TMEM50A: variants seen among roughly 807,000 people sequenced by gnomAD.
TMEM50A encodes transmembrane protein 50A.
A neutral mutation model predicts 23.9 loss-of-function variants in TMEM50A; 8 were observed. The ratio of observed to expected loss-of-function variants is 0.33; its 90% CI spans 0.20 to 0.60. The LOEUF (loss-of-function observed/expected upper bound fraction) is 0.60, where lower values mean the gene tolerates loss of function less well. Among genes scored for constraint, TMEM50A ranks in the 20% least tolerant of loss-of-function variants. The pLI, the probability that TMEM50A is intolerant of heterozygous loss-of-function variation, is 0.81. For missense variants in TMEM50A, 178 were observed against 192.7 expected, an observed-to-expected ratio of 0.92 and a Z score of 0.45; for synonymous variants, 55 against 60.4, an observed-to-expected ratio of 0.91 and a Z score of 0.41.
chr1:25,358,827 C>G (rs893700264), intron 6 of TMEM50A, among the ~76,000 whole-genome samples: 4 of 152,232 alleles, frequency 2.6e-5, no homozygotes, highest in African/African-American at 7.2e-5. Flanking sequence ...CTCTAATAAC[C>G]AACTTCAGTT....
chr1:25,341,092 G>A (rs3093573), intron 2 of TMEM50A, among the ~76,000 whole-genome samples: 12,007 of 152,088 alleles, frequency 0.079, 1,508 homozygotes, highest in African/African-American at 0.27. Context: ...TACATTGTGT[G>A]GAAGTAATTT....
chr1:25,339,578 A>G (rs1177294242), intron 1 of TMEM50A, among the ~76,000 whole-genome samples: 2 of 152,248 alleles, frequency 1.3e-5, no homozygotes, highest in African/African-American at 4.8e-5. Flanking sequence ...AGGTGTGAAG[A>G]AACACACGTT....
chr1:25,346,486 C>G (rs1645219138), intron 3 of TMEM50A, among the ~76,000 whole-genome samples: 1 of 152,152 alleles, frequency 6.6e-6, no homozygotes, highest in Non-Finnish European at 1.5e-5. Context: ...GTCTCAAAAT[C>G]CTGGGCTTAA....
chr1:25,342,566 A>C (rs3091243), intron 2 of TMEM50A: 16,464 of 153,824 alleles, frequency 0.11, 1,118 homozygotes, highest in Non-Finnish European at 0.14. Context: ...ATTAATTTGA[A>C]TGCTTTTTTC....
intron 5 of TMEM50A, among the ~76,000 whole-genome samples, chr1:25,353,737 G>A (rs1235740281): frequency 6.6e-6 from 1 of 152,068 alleles, no homozygotes; most frequent in Non-Finnish European, 1.5e-5. Context: ...TCACCTTGAG[G>A]GACCCTAGAA....
At chr1:25,345,565 G>A (rs1645205947) in intron 3 of TMEM50A, among the ~76,000 whole-genome samples, 1 of 151,702 alleles carries the variant, frequency 6.6e-6, no homozygotes, top group African/African-American at 2.4e-5. Flanking sequence ...GGGCGACAGA[G>A]TGAGACTCTG....
intron 1 of TMEM50A, among the ~76,000 whole-genome samples, chr1:25,339,806 A>G (rs1323574307): frequency 1.3e-5 from 2 of 152,252 alleles, no homozygotes; most frequent in Admixed American, 1.3e-4. Context: ...AACTAATTTA[A>G]TACCTACTTA....
rs547466662 is a variant in TMEM50A, at chr1:25,348,026, C to G, written c.207-3600C>G. Among the ~76,000 whole-genome samples the G allele has an allele frequency of 3.9e-5, 6 of 152,314 alleles. No homozygotes were observed. The South Asian group carries it at 1.0e-3, about 26-fold the overall frequency. On this transcript the variant is annotated intron_variant, in intron 3 of 6. Transcript: ENST00000374358. ...GTTCCATTTTGAAGCAGTAGCAAGT[C>G]TGACTATGGAGGGGAATTATAGCTG...
intron 5 of TMEM50A, among the ~76,000 whole-genome samples, chr1:25,355,867 T>C (rs996939913): frequency 6.6e-6 from 1 of 152,242 alleles, no homozygotes; most frequent in African/African-American, 2.4e-5. Flanking sequence ...CTACTCTATC[T>C]TTCCAGGTGT....
chr1:25,340,928 C>T (rs1488937809), intron 2 of TMEM50A, among the ~76,000 whole-genome samples: 1 of 152,124 alleles, frequency 6.6e-6, no homozygotes, highest in African/African-American at 2.4e-5. Context: ...TTGCATTTCT[C>T]CATAATCCAG....
At chr1:25,352,803 T>G in intron 4 of TMEM50A, 79 bp from the exon 5 acceptor site, 9 of 1,357,596 alleles carry the variant, frequency 6.6e-6, no homozygotes, top group Non-Finnish European at 8.1e-6. Flanking sequence ...TTTTTTCTGT[T>G]TGGGTTTTAT....
At chr1:25,353,105 C>A in intron 5 of TMEM50A, 131 bp downstream of exon 5, 1 of 656,256 alleles carries the variant, frequency 1.5e-6, no homozygotes, top group Non-Finnish European at 2.5e-6. Flanking sequence ...TATCCGGGAC[C>A]CCCCACCCTC....
intron 6 of TMEM50A, 65 bp from the exon 7 acceptor site, chr1:25,360,595 C>T: frequency 3.2e-6 from 5 of 1,571,378 alleles, no homozygotes; most frequent in Non-Finnish European, 3.5e-6. Flanking sequence ...ACACCATTCT[C>T]GAAATCTCAC....
At position 25,340,485 on chromosome 1, in the gene TMEM50A, A is replaced by T; in HGVS notation, c.-2A>T. 1 of 1,611,890 alleles carries T rather than the reference A, an allele frequency of 6.2e-7. No homozygotes were observed. Among genetic ancestry groups the T allele is most frequent in the Non-Finnish European group, 8.5e-7 (1 of 1,179,178 alleles). On this transcript the variant is annotated 5_prime_UTR_variant, in exon 2 of 7. Transcript: ENST00000374358. Reference sequence around the variant, plus strand: ...TGTTTGTTTTTAAGTGACCTGAAAAAAATGTCTGGATTTCTAGAGGGCTTG... The same window carrying T: ...TGTTTGTTTTTAAGTGACCTGAAAATAATGTCTGGATTTCTAGAGGGCTTG...
chr1:25,338,755 C>G (rs540455440), intron 1 of TMEM50A: 17 of 152,336 alleles, frequency 1.1e-4, no homozygotes, highest in African/African-American at 4.1e-4. Flanking sequence ...CTGGACAAGC[C>G]GAAGCCCCGA....
intron 2 of TMEM50A, among the ~76,000 whole-genome samples, chr1:25,341,836 G>A (rs1645171770): frequency 6.6e-6 from 1 of 151,448 alleles, no homozygotes; most frequent in South Asian, 2.1e-4. Context: ...CCTGGACCAC[G>A]GATGAAGGCC....
At chr1:25,358,393 C>CA (rs1219594241) in intron 6 of TMEM50A, among the ~76,000 whole-genome samples, 1 of 151,944 alleles carries the variant, frequency 6.6e-6, no homozygotes, top group Non-Finnish European at 1.5e-5. Context: ...GCCCCTAATC[C>CA]AAAAAAGGCT....
At chr1:25,353,412 A>G (rs1023146815) in intron 5 of TMEM50A, among the ~76,000 whole-genome samples, 2 of 152,134 alleles carry the variant, frequency 1.3e-5, no homozygotes, top group Non-Finnish European at 2.9e-5. Context: ...CTTCCCAGGT[A>G]GCTAGGGCCA....
At chr1:25,355,249 A>G (rs1438087727) in intron 5 of TMEM50A, among the ~76,000 whole-genome samples, 1 of 152,062 alleles carries the variant, frequency 6.6e-6, no homozygotes, top group Non-Finnish European at 1.5e-5. Context: ...TGGAGGTTGC[A>G]GTGAGCTGCG....
Sources: gnomAD v4.1 joint callset for allele counts (sites outside exome capture counted in the v4.1 genomes callset) on GRCh38, gnomAD v4.1.1 for gene constraint, MANE v1.5 for transcripts, NCBI Gene and HGNC (gene_info 2026-07-23, HGNC 2026-07-21) for gene names.